The following ORC3 variants were observed in gnomAD, a reference collection of about 807,000 sequenced individuals.
ORC3 encodes origin recognition complex subunit 3, also known as homolog of latheo, Drosophila.
In ORC3, 78 loss-of-function variants were observed where a neutral mutation model predicts 100.7. The ratio of observed to expected loss-of-function variants is 0.77; its 90% CI spans 0.65 to 0.94. The LOEUF (loss-of-function observed/expected upper bound fraction) is 0.94, where lower values mean the gene tolerates loss of function less well. Among genes scored for constraint, ORC3 ranks in the 40% least tolerant of loss-of-function variants. The pLI is 0.00. For synonymous variants in ORC3, 295 were observed against 289.3 expected (o/e 1.02, Z -0.20); for missense variants, 789 against 823.9 (o/e 0.96, Z 0.52).
intron 1 of ORC3, among the ~76,000 whole-genome samples, chr6:87,592,922 T>A (rs552820734): frequency 6.6e-6 from 1 of 151,466 alleles, no homozygotes; most frequent in East Asian, 2.0e-4. Context: ...TGAAACCCCG[T>A]CTCTACTAAA....
downstream of ORC3, among the ~76,000 whole-genome samples, chr6:87,670,810 AAAAC>A (rs1770817213): frequency 1.3e-5 from 2 of 152,210 alleles, no homozygotes; most frequent in Non-Finnish European, 2.9e-5. Flanking sequence ...CACAGGAAGT[AAAAC>A]AAAGAAAGCA....
chr6:87,599,219 G>A (rs892210441), intron 2 of ORC3, among the ~76,000 whole-genome samples: 1 of 151,984 alleles, frequency 6.6e-6, no homozygotes, highest in Non-Finnish European at 1.5e-5. Context: ...TTTTGATGCG[G>A]CATTATTCTG....
At chr6:87,658,128 C>A in intron 16 of ORC3, 110 bp downstream of exon 16, 1 of 608,194 alleles carries the variant, frequency 1.6e-6, no homozygotes, top group South Asian at 2.0e-5. Context: ...CTAGGTTAGG[C>A]TTTATGCTTT....
At chr6:87,677,230 T>A in the ORC3 span, among the ~76,000 whole-genome samples, 1 of 152,162 alleles carries the variant, frequency 6.6e-6, no homozygotes, top group Non-Finnish European at 1.5e-5. Flanking sequence ...TAAAACCTGA[T>A]CAAGTATCAC....
At chr6:87,661,262 G>T (rs1770155297) in intron 16 of ORC3, among the ~76,000 whole-genome samples, 1 of 152,198 alleles carries the variant, frequency 6.6e-6, no homozygotes, top group African/African-American at 2.4e-5. Context: ...AGCCATCACA[G>T]AAACTATTTC....
intron 6 of ORC3, among the ~76,000 whole-genome samples, chr6:87,608,219 A>G (rs1310168875): frequency 6.6e-6 from 1 of 152,210 alleles, no homozygotes; most frequent in African/African-American, 2.4e-5. Context: ...TCCACTGTCA[A>G]CTTAGTTCAA....
chr6:87,650,771 G>A (rs1207663230), intron 13 of ORC3, among the ~76,000 whole-genome samples: 1 of 152,250 alleles, frequency 6.6e-6, no homozygotes, highest in Non-Finnish European at 1.5e-5. Context: ...ACTTTGGGAA[G>A]CCGAGGTGGG....
At chr6:87,643,982 T>C (rs1768494105) in intron 13 of ORC3, among the ~76,000 whole-genome samples, 1 of 151,820 alleles carries the variant, frequency 6.6e-6, no homozygotes, top group African/African-American at 2.4e-5. Context: ...CTGTACGTGT[T>C]CTATACGGTC....
At chr6:87,652,188 G>A (rs977832691) in intron 13 of ORC3, among the ~76,000 whole-genome samples, 14 of 152,128 alleles carry the variant, frequency 9.2e-5, no homozygotes, top group South Asian at 2.1e-4. Flanking sequence ...GTGAGCCACC[G>A]TGCCTGGAAA....
chr6:87,675,264 T>C, the ORC3 span: 3 of 334,346 alleles, frequency 9.0e-6, no homozygotes, highest in East Asian at 1.0e-4. Context: ...AGTGTCATTC[T>C]ACAGTTTTAT....
chr6:87,661,209 A>AGT (rs1456093185), intron 16 of ORC3, among the ~76,000 whole-genome samples: 6 of 152,232 alleles, frequency 3.9e-5, no homozygotes, highest in African/African-American at 1.4e-4. Flanking sequence ...GCCTGAGGTT[A>AGT]GTGTAGGAAG....
At chr6:87,608,950 C>T in intron 6 of ORC3, 146 bp from the exon 7 acceptor site, 1 of 520,520 alleles carries the variant, frequency 1.9e-6, no homozygotes, top group East Asian at 3.4e-5. Context: ...TTCTAGTAAC[C>T]TGAGTTTCTA....
chr6:87,675,815 G>A, the ORC3 span: 14 of 1,554,404 alleles, frequency 9.0e-6, no homozygotes, highest in East Asian at 3.1e-4. Context: ...CTCCTTAAAA[G>A]ACAGTCTTAT....
chr6:87,640,174 A>G (rs1335415805), intron 13 of ORC3, among the ~76,000 whole-genome samples: 1 of 152,142 alleles, frequency 6.6e-6, no homozygotes, highest in African/African-American at 2.4e-5. Flanking sequence ...AGAAAACAAA[A>G]CCTCCCAATA....
chr6:87,593,605 C>G (rs945297960), intron 1 of ORC3, among the ~76,000 whole-genome samples: 2 of 152,212 alleles, frequency 1.3e-5, no homozygotes, highest in African/African-American at 4.8e-5. Flanking sequence ...CTGCAATTAT[C>G]TATTTACTAC....
chr6:87,625,029 C>CT (rs1462236673), intron 11 of ORC3, among the ~76,000 whole-genome samples: 2 of 152,104 alleles, frequency 1.3e-5, no homozygotes, highest in Non-Finnish European at 2.9e-5. Context: ...TGAACTCATC[C>CT]TTTTTTTATG....
chr6:87,638,970 C>T (rs148844802), intron 13 of ORC3, among the ~76,000 whole-genome samples: 7 of 151,522 alleles, frequency 4.6e-5, no homozygotes, highest in Admixed American at 2.0e-4. Context: ...GATAGTGACA[C>T]CTTTGCTTTC....
chr6:87,604,049 G>A (rs1017080252), intron 4 of ORC3, among the ~76,000 whole-genome samples: 10 of 152,144 alleles, frequency 6.6e-5, no homozygotes, highest in African/African-American at 2.4e-4. Flanking sequence ...ATTGCAGGTT[G>A]TAAATTTCTT....
At chr6:87,607,951 A>T in intron 6 of ORC3, 127 bp downstream of exon 6, 1 of 571,574 alleles carries the variant, frequency 1.7e-6, no homozygotes, top group Non-Finnish European at 2.9e-6. Flanking sequence ...GTTAATTTAA[A>T]AGTAGGTATT....
Sources: gnomAD v4.1 joint callset for allele counts (sites outside exome capture counted in the v4.1 genomes callset) on GRCh38, gnomAD v4.1.1 for gene constraint, MANE v1.5 for transcripts, NCBI Gene and HGNC (gene_info 2026-07-23, HGNC 2026-07-21) for gene names.